COL6A3: variants seen among roughly 807,000 people sequenced by gnomAD.
COL6A3 encodes the protein collagen alpha-3(VI) chain.
Under a neutral mutation model 274.1 loss-of-function variants are expected in COL6A3, and 137 were observed. The observed-to-expected ratio is 0.50, with a 90% CI of 0.44 to 0.58. COL6A3 has a LOEUF of 0.58. Ranked by LOEUF, COL6A3 falls within the 20% of genes least tolerant of loss-of-function variation. The pLI, the probability that COL6A3 is intolerant of heterozygous loss-of-function variation, is 0.00. For synonymous variants in COL6A3, 1,650 were observed against 1,650.6 expected (o/e 1.00, Z 0.01); for missense variants, 3,950 against 4,124.9 (o/e 0.96, Z 1.16).
intron 1 of COL6A3, among the ~76,000 whole-genome samples, chr2:237,406,045 G>C (rs2078710781): frequency 1.3e-5 from 2 of 151,940 alleles, no homozygotes; most frequent in East Asian, 1.9e-4. Flanking sequence ...TCATCTTTTT[G>C]TTTACTCTGC....
At chr2:237,345,336 C>T (rs2077076827) in intron 32 of COL6A3, 123 bp from the exon 33 acceptor site, 3 of 856,532 alleles carry the variant, frequency 3.5e-6, no homozygotes, top group East Asian at 2.5e-5. Flanking sequence ...TGATTGTTTA[C>T]AGCCTCTCCC....
intron 30 of COL6A3, 152 bp downstream of exon 30, chr2:237,348,197 A>G (rs1395859244): frequency 1.0e-5 from 8 of 764,842 alleles, no homozygotes; most frequent in Non-Finnish European, 1.9e-5. Context: ...ATGAGAGAGT[A>G]TTTTAGGGAA....
At chr2:237,325,747 G>A (rs554275933) in intron 42 of COL6A3, 23 bp from the exon 43 acceptor site, 5 of 1,606,386 alleles carry the variant, frequency 3.1e-6, no homozygotes, top group African/African-American at 2.7e-5. Flanking sequence ...CATGAGAAAA[G>A]GATATTAATG....
chr2:237,373,155 G>A (rs115987801), intron 8 of COL6A3, among the ~76,000 whole-genome samples: 328 of 152,212 alleles, frequency 2.2e-3, no homozygotes, highest in Non-Finnish European at 3.8e-3. Flanking sequence ...GTTCTGGAGC[G>A]CAGGAGAGTG....
rs531315877 is a variant in COL6A3, at chr2:237,369,288, G to C, written c.4286-111C>G. 28 of 1,423,558 alleles carry C rather than the reference G, an allele frequency of 2.0e-5. No homozygotes were observed. In the Admixed American group the frequency reaches 4.1e-4, roughly 21 times the overall value. The allele number at this position is 1,423,558 out of a possible 1,614,324, so 88.2% of individuals were successfully genotyped here. A position where few individuals can be genotyped will look rare whatever the true frequency, so the allele number is the denominator to read the frequency against. On this transcript the variant is annotated intron_variant, in intron 9 of 43. Coordinates refer to ENST00000295550, the MANE Select transcript of COL6A3 (RefSeq NM_004369.4). ...AATCAACCTTAAGATTATATCCCAA[G>C]ATGCCTGTGTTGTTTGTATCTCGGG...
chr2:237,363,549 T>C, intron 13 of COL6A3, 151 bp from the exon 14 acceptor site: 1 of 860,150 alleles, frequency 1.2e-6, no homozygotes, highest in Non-Finnish European at 1.8e-6. Flanking sequence ...CTACTCTGAA[T>C]TGTTGAAATA....
intron 38 of COL6A3, among the ~76,000 whole-genome samples, chr2:237,339,870 T>C (rs933919776): frequency 2.0e-5 from 3 of 152,064 alleles, no homozygotes; most frequent in Non-Finnish European, 2.9e-5. Flanking sequence ...GGATTAACCA[T>C]GAGCAGGCCT....
At chr2:237,354,339 A>C (rs2646255) in intron 24 of COL6A3, among the ~76,000 whole-genome samples, 53,695 of 150,948 alleles carry the variant, frequency 0.36, 9,840 homozygotes, top group Middle Eastern at 0.44. Context: ...TTTTAAGCTG[A>C]ATACCTCCCT....
Position 237,387,725 on chromosome 2 carries a change from T to C in COL6A3, c.1169A>G (p.Gln390Arg), listed in dbSNP as rs772442900. ...CAAGTTGTCATCGGTAGCTATGTGC[T>C]GAAGCTCTGCCCTGGAGGCGGCCTG... ...GAQAASRAEL[Q>R]HIATDDNLVF... Residue 390 changes from glutamine (Q) to arginine (R), a missense_variant, in exon 4 of 44, where the codon CAG becomes CGG. By Grantham distance (43) the Gln-to-Arg change is conservative. This residue lies in a region of COL6A3 where 1,934 missense variants were observed against 1,984.3 expected (regional missense o/e 0.97). Coordinates refer to ENST00000295550, the MANE Select transcript of COL6A3 (RefSeq NM_004369.4). 1 of 1,614,036 alleles carries C rather than the reference T, an allele frequency of 6.2e-7. No individual in the cohort carries two copies. The highest frequency in any genetic ancestry group is 8.5e-7 in the Non-Finnish European group (1 of 1,179,962).
At chr2:237,347,527 T>C (rs2077120835) in intron 31 of COL6A3, among the ~76,000 whole-genome samples, 1 of 152,044 alleles carries the variant, frequency 6.6e-6, no homozygotes, top group African/African-American at 2.4e-5. Context: ...ATAATGAGAT[T>C]CGAGACTGCA....
At chr2:237,381,938 CA>C (rs1384569042) in intron 4 of COL6A3, among the ~76,000 whole-genome samples, 5 of 152,198 alleles carry the variant, frequency 3.3e-5, no homozygotes, top group Non-Finnish European at 7.3e-5. Flanking sequence ...TTGTCAAGTG[CA>C]AAAGCTGAAA....
chr2:237,336,883 CA>C (rs1448226620), intron 39 of COL6A3, among the ~76,000 whole-genome samples: 10 of 152,012 alleles, frequency 6.6e-5, no homozygotes, highest in African/African-American at 1.9e-4. Flanking sequence ...AAACATACAC[CA>C]AAAATTAAAT....
chr2:237,359,248 G>T lies in COL6A3; in HGVS notation c.6312C>A (p.Gly2104=), dbSNP rs377074792. The T allele has an allele frequency of 6.2e-7, 1 of 1,614,166 alleles. No homozygotes were observed. ...CATCCAGTCCAATTTCTCCTACTTC[G>T]CCCTAAGAGGGAATAAGGCGGACAG... The part of the protein sequence containing the change: ...KGSRGFPGEK[G]EVGEIGLDGL... The change falls in exon 19 of 44, where the codon GGC becomes GGA. Residue 2104 remains glycine, a splice_region_variant and synonymous_variant. Transcript: ENST00000295550.
At position 237,361,675 on chromosome 2, in the gene COL6A3, A is replaced by C; in HGVS notation, c.6156+64T>G. 2 of 1,392,774 alleles carry C rather than the reference A, an allele frequency of 1.4e-6. No homozygotes were observed. Among genetic ancestry groups the C allele is most frequent in the Non-Finnish European group, 2.0e-6 (2 of 978,168 alleles). 86.3% of individuals were successfully genotyped at this position (1,392,774 alleles called of 1,614,324 possible). On this transcript the variant is annotated intron_variant, in intron 15 of 43. Transcript: ENST00000295550. The surrounding 1 kb of genome is among the most constrained non-coding windows in gnomAD (Gnocchi z 5.1). ...ACTCTTCTGTTAGAGAAATTACCCC[A>C]CCAAAGTAATGTCGGGCTTCTGACA...
At position 237,362,620 on chromosome 2, in the gene COL6A3, A is replaced by G. The variant is rs142353490; in HGVS notation, c.6063+633T>C. On this transcript the variant is annotated intron_variant, in intron 14 of 43. Transcript: ENST00000295550. Reference sequence around the variant, plus strand: ...AGAAGTATGGAAGAAAGGAAGGTCCATTCCTCCCATTCTCATAGCCACAGT... The same window carrying G: ...AGAAGTATGGAAGAAAGGAAGGTCCGTTCCTCCCATTCTCATAGCCACAGT... 3.1e-4 allele frequency among the ~76,000 whole-genome samples: 47 copies of G among 152,340 alleles called. 1 individual carries two copies. In the East Asian group the frequency reaches 6.0e-3, roughly 19 times the overall value.
At position 237,365,711 on chromosome 2, in the gene COL6A3, G is replaced by A. The variant is rs150694150; in HGVS notation, c.5825C>T (p.Pro1942Leu). ...GGCCCCACAGACCTTCACGCTGTCCGGCGAGGACTGTCTGAACTTGTTCAG... is the reference window on the plus strand; with the variant it reads ...GGCCCCACAGACCTTCACGCTGTCCAGCGAGGACTGTCTGAACTTGTTCAG... Reference protein sequence around the residue: ...VYLNKFRQSSPDSVKVVIHFT... With the variant: ...VYLNKFRQSSLDSVKVVIHFT... Residue 1942 changes from proline to leucine, a missense_variant, in exon 12 of 44, where the codon CCG (proline) becomes CTG (leucine). Pro to Leu is a moderately conservative substitution (Grantham distance 98). Transcript: ENST00000295550. The A allele has an allele frequency of 5.7e-5, 92 of 1,614,020 alleles. No homozygotes were observed. The highest frequency in any genetic ancestry group is 4.9e-4 in the Middle Eastern group (3 of 6,084).
intron 1 of COL6A3, among the ~76,000 whole-genome samples, chr2:237,408,459 G>A (rs1448081889): frequency 6.6e-6 from 1 of 152,218 alleles, no homozygotes; most frequent in African/African-American, 2.4e-5. Context: ...TAGCTGAGTT[G>A]GCGCTAACTC....
In COL6A3 at chr2:237,371,554, T is replaced by A. The variant is rs1053426834; in HGVS notation, c.4285+178A>T. 4 of 1,370,406 alleles carry A rather than the reference T, an allele frequency of 2.9e-6. No homozygotes were observed. The highest frequency in any genetic ancestry group is 3.8e-6 in the Non-Finnish European group (4 of 1,040,872). The allele number at this position is 1,370,406 out of a possible 1,614,324, so 84.9% of individuals were successfully genotyped here. On this transcript the variant is annotated intron_variant, in intron 9 of 43. Coordinates refer to ENST00000295550, the MANE Select transcript of COL6A3 (RefSeq NM_004369.4). This position sits in a 1 kb window ranked among gnomAD's most constrained non-coding sequence, Gnocchi z 4.3. ...CAGAGGTTAAAATGAGTTATGATCA[T>A]GCCACTGCACTCCAGCCTGGACGAC...
At chr2:237,335,984 A>C (rs1700521514) in intron 40 of COL6A3, 151 bp downstream of exon 40, 1 of 998,672 alleles carries the variant, frequency 1.0e-6, no homozygotes, top group Non-Finnish European at 1.5e-6. Context: ...TGGAATCCCT[A>C]ACCAACACCT....
Sources: allele counts gnomAD v4.1 joint callset (sites outside exome capture counted in the v4.1 genomes callset), GRCh38; gene constraint gnomAD v4.1.1; regional missense constraint gnomAD v4.1.1; non-coding constraint Gnocchi (gnomAD v3.1); transcripts MANE v1.5; gene names NCBI Gene and HGNC (gene_info 2026-07-23, HGNC 2026-07-21).